Variants in SLC4A10 observed in about 807,000 individuals in gnomAD.
SLC4A10 encodes solute carrier family 4 member 10.
Under a neutral mutation model 137.7 loss-of-function variants are expected in SLC4A10, and 42 were observed. The ratio of observed to expected loss-of-function variants is 0.30; its 90% CI spans 0.24 to 0.39. The LOEUF (loss-of-function observed/expected upper bound fraction) is 0.39. Among genes scored for constraint, SLC4A10 ranks in the 10% least tolerant of loss-of-function variants. SLC4A10 has a pLI of 1.00. For synonymous variants in SLC4A10, 474 were observed against 464.1 expected, an observed-to-expected ratio of 1.02 and a Z score of -0.27; for missense variants, 925 against 1,355.0, an observed-to-expected ratio of 0.68 and a Z score of 4.98.
At chr2:161,862,573 TAAAG>T (rs1406231310) in intron 5 of SLC4A10, among the ~76,000 whole-genome samples, 1 of 152,110 alleles carries the variant, frequency 6.6e-6, no homozygotes, top group Admixed American at 6.6e-5. Flanking sequence ...AATAAATAAA[TAAAG>T]AACTTTCTTC....
At chr2:161,765,803 G>A (rs1199290084) in intron 1 of SLC4A10, among the ~76,000 whole-genome samples, 2 of 152,034 alleles carry the variant, frequency 1.3e-5, no homozygotes, top group Non-Finnish European at 2.9e-5. Flanking sequence ...AGTACAAAAT[G>A]AAATGAAAAT....
chr2:161,633,738 G>T (rs1320193475), intron 1 of SLC4A10, among the ~76,000 whole-genome samples: 3 of 151,494 alleles, frequency 2.0e-5, no homozygotes, highest in African/African-American at 4.8e-5. Context: ...TCAATAACTC[G>T]ATGTATCCAT....
At chr2:161,975,162 C>G (rs1238695440) in intron 24 of SLC4A10, among the ~76,000 whole-genome samples, 1 of 152,274 alleles carries the variant, frequency 6.6e-6, no homozygotes, top group South Asian at 2.1e-4. Flanking sequence ...GTGATTACCT[C>G]CCTCTTAAGA....
rs532542474 is a variant in SLC4A10 at position 161,661,334 on chromosome 2, G to A, written c.48+36768G>A. ...TACTAAAAATACAAAAATGAGCTGG[G>A]CGTGGTGGCGCACGCCTGTAGTCCC... On this transcript the variant is annotated intron_variant, in intron 1 of 26. Coordinates refer to ENST00000446997, the MANE Select transcript of SLC4A10 (RefSeq NM_001178015.2). Among the ~76,000 whole-genome samples the A allele has an allele frequency of 3.6e-3, 549 of 152,270 alleles. 5 individuals carry two copies. The highest frequency in any genetic ancestry group is 0.012 in the African/African-American group (511 of 41,562).
At chr2:161,899,353 A>C (rs1368302855) in intron 11 of SLC4A10, among the ~76,000 whole-genome samples, 1 of 152,050 alleles carries the variant, frequency 6.6e-6, no homozygotes, top group East Asian at 1.9e-4. Flanking sequence ...AATGCCACAG[A>C]AGAGTTCTCT....
chr2:161,799,260 G>C (rs1023478260), intron 2 of SLC4A10, among the ~76,000 whole-genome samples: 1 of 151,606 alleles, frequency 6.6e-6, no homozygotes, highest in African/African-American at 2.4e-5. Flanking sequence ...ATATGTTCTT[G>C]AAAAGTAAAT....
At chr2:161,807,780 A>G (rs1242239736) in intron 3 of SLC4A10, among the ~76,000 whole-genome samples, 2 of 152,078 alleles carry the variant, frequency 1.3e-5, no homozygotes, top group African/African-American at 4.8e-5. Context: ...TTTATTTAAA[A>G]TGTTTTTAAT....
At chr2:161,791,134 AT>A (rs1559257558) in intron 2 of SLC4A10, among the ~76,000 whole-genome samples, 1 of 152,222 alleles carries the variant, frequency 6.6e-6, no homozygotes, top group African/African-American at 2.4e-5. Context: ...CCAAAGGAAT[AT>A]AAATCATTCT....
chr2:161,781,946 G>A (rs1410157681), intron 2 of SLC4A10, among the ~76,000 whole-genome samples: 1 of 152,026 alleles, frequency 6.6e-6, no homozygotes, highest in Non-Finnish European at 1.5e-5. Context: ...TCCCAGAGGA[G>A]GTTTGTGCAT....
intron 26 of SLC4A10, among the ~76,000 whole-genome samples, chr2:161,982,935 T>C (rs773129239): frequency 1.3e-5 from 2 of 152,170 alleles, no homozygotes; most frequent in Non-Finnish European, 2.9e-5. Context: ...TTAAAAAATG[T>C]CTGATTTTTG....
intron 1 of SLC4A10, among the ~76,000 whole-genome samples, chr2:161,682,343 T>C (rs2040947717): frequency 6.6e-6 from 1 of 152,168 alleles, no homozygotes; most frequent in Non-Finnish European, 1.5e-5. Context: ...TTCCAGTGTG[T>C]CATCAAATCA....
At chr2:161,780,267 T>A (rs559902095) in intron 2 of SLC4A10, among the ~76,000 whole-genome samples, 1 of 152,026 alleles carries the variant, frequency 6.6e-6, no homozygotes, top group African/African-American at 2.4e-5. Context: ...ATAACCAGAT[T>A]AATCACTCAT....
chr2:161,665,578 G>T (rs2038943966), intron 1 of SLC4A10, among the ~76,000 whole-genome samples: 1 of 151,658 alleles, frequency 6.6e-6, no homozygotes, highest in African/African-American at 2.4e-5. Context: ...GGGCTCTGGG[G>T]ATTTCAATTA....
At chr2:161,795,110 C>CT (rs1452788947) in intron 2 of SLC4A10, among the ~76,000 whole-genome samples, 4 of 152,118 alleles carry the variant, frequency 2.6e-5, no homozygotes, top group Admixed American at 2.6e-4. Flanking sequence ...CCTGGGCCCT[C>CT]TGTGTTTCTG....
chr2:161,708,796 A>G, intron 1 of SLC4A10: 1 of 1,532,766 alleles, frequency 6.5e-7, no homozygotes, highest in Non-Finnish European at 8.7e-7. Flanking sequence ...TGCAGTCTGG[A>G]ACCTGTGAGC....
At chr2:161,964,030 G>C in intron 21 of SLC4A10, 105 bp from the exon 22 acceptor site, 1 of 840,632 alleles carries the variant, frequency 1.2e-6, no homozygotes, top group South Asian at 1.9e-5. Context: ...GTGTTATCCA[G>C]GTATGTCATT....
chr2:161,805,968 C>G (rs1263947981), intron 3 of SLC4A10, among the ~76,000 whole-genome samples: 1 of 152,204 alleles, frequency 6.6e-6, no homozygotes, highest in Admixed American at 6.5e-5. Context: ...GGCCCTGCCC[C>G]TGAAGCAAAT....
chr2:161,827,930 T>C (rs2058132519), intron 3 of SLC4A10, among the ~76,000 whole-genome samples: 1 of 152,200 alleles, frequency 6.6e-6, no homozygotes, highest in African/African-American at 2.4e-5. Context: ...CTTTTGGGGC[T>C]TGGTCCAATC....
chr2:161,843,736 C>G (rs1264549616), intron 4 of SLC4A10, among the ~76,000 whole-genome samples: 1 of 152,114 alleles, frequency 6.6e-6, no homozygotes, highest in Non-Finnish European at 1.5e-5. Flanking sequence ...ATTAGCATCA[C>G]CATTTAAAGC....
Sources: gnomAD v4.1 joint callset for allele counts (sites outside exome capture counted in the v4.1 genomes callset) on GRCh38, gnomAD v4.1.1 for gene constraint, MANE v1.5 for transcripts, NCBI Gene and HGNC (gene_info 2026-07-23, HGNC 2026-07-21) for gene names.